KCND3: variants seen among roughly 807,000 people sequenced by gnomAD.
KCND3 encodes the protein A-type voltage-gated potassium channel KCND3.
KCND3 carries 9 observed loss-of-function variants against 51.1 expected under a neutral mutation model. That is an observed-to-expected ratio of 0.18 (90% confidence interval 0.11 to 0.31). The LOEUF (loss-of-function observed/expected upper bound fraction) is 0.31. Ranked by LOEUF, KCND3 falls within the 10% of genes least tolerant of loss-of-function variation. The pLI is 1.00. For missense variants in KCND3, 526 were observed against 903.8 expected (o/e 0.58, Z 5.36); for synonymous variants, 349 against 368.0 (o/e 0.95, Z 0.59).
intron 2 of KCND3, among the ~76,000 whole-genome samples, chr1:111,845,063 C>G (rs1284420082): frequency 6.6e-6 from 1 of 152,144 alleles, no homozygotes; most frequent in African/African-American, 2.4e-5. Flanking sequence ...TCCTTACTTT[C>G]CATTCACACT....
intron 2 of KCND3, among the ~76,000 whole-genome samples, chr1:111,832,961 G>A (rs1443670194): frequency 6.6e-6 from 1 of 152,190 alleles, no homozygotes; most frequent in East Asian, 1.9e-4. Context: ...AAAGTTTCAG[G>A]GGCAGGTGGG....
intron 2 of KCND3, among the ~76,000 whole-genome samples, chr1:111,826,809 A>T (rs1018007838): frequency 1.3e-5 from 2 of 152,344 alleles, no homozygotes; most frequent in Non-Finnish European, 2.9e-5. Flanking sequence ...ATCACCTGAA[A>T]TATGCTGATC....
At chr1:111,914,241 A>C (rs1445896810) in intron 2 of KCND3, among the ~76,000 whole-genome samples, 6 of 150,690 alleles carry the variant, frequency 4.0e-5, no homozygotes, top group African/African-American at 1.5e-4. Context: ...AATAGAAAAT[A>C]TTCAAAATAA....
Position 111,776,169 on chromosome 1 carries a change from C to G in KCND3, c.1876G>C (p.Glu626Gln), listed in dbSNP as rs760710842. The change falls in exon 8 of 8, where the codon GAG becomes CAG. Residue 626 changes from glutamate to glutamine, a missense_variant. Coordinates refer to ENST00000302127, the MANE Select transcript of KCND3 (RefSeq NM_001378969.1). ...GCAGGGGGTGGCCGACTTTCCCCCT[C>G]TGGGGTTAGCGCTGGGGGAGTGGGG... ...SIPTPPALTP[E>Q]GESRPPPASP... 3.1e-6 allele frequency: 5 copies of G among 1,614,148 alleles called. No homozygotes were observed. Among genetic ancestry groups the G allele is most frequent in the Non-Finnish European group, 4.2e-6 (5 of 1,180,000 alleles).
In KCND3 at chr1:111,956,374, T is replaced by C. The variant is rs529148366; in HGVS notation, c.1106+25247A>G. On this transcript the variant is annotated intron_variant, in intron 2 of 7. Coordinates refer to ENST00000302127, the MANE Select transcript of KCND3 (RefSeq NM_001378969.1). Reference sequence around the variant, plus strand: ...CGGAGCCCGAGGGGGCAAGAGCCCATGGCAGCAGCTGATTAATTTCCACTG... The same window carrying C: ...CGGAGCCCGAGGGGGCAAGAGCCCACGGCAGCAGCTGATTAATTTCCACTG... 6.8e-4 allele frequency among the ~76,000 whole-genome samples: 103 copies of C among 152,304 alleles called. 1 individual carries two copies. Among genetic ancestry groups the C allele is most frequent in the African/African-American group, 2.4e-3 (100 of 41,572 alleles).
intron 2 of KCND3, among the ~76,000 whole-genome samples, chr1:111,891,415 G>C (rs937897551): frequency 2.6e-5 from 4 of 152,154 alleles, no homozygotes; most frequent in Non-Finnish European, 2.9e-5. Flanking sequence ...AGCCTGAATG[G>C]TCCATCAGAG....
At chr1:111,865,068 C>T (rs1177603403) in intron 2 of KCND3, among the ~76,000 whole-genome samples, 2 of 152,170 alleles carry the variant, frequency 1.3e-5, no homozygotes, top group Non-Finnish European at 2.9e-5. Flanking sequence ...CTGAAAGTGT[C>T]CTTGGCCATG....
chr1:111,827,229 G>C lies in KCND3; in HGVS notation c.1107-40123C>G, dbSNP rs539143787. Among the ~76,000 whole-genome samples the C allele has an allele frequency of 6.4e-4, 97 of 152,360 alleles. 4 individuals are homozygous for C. In the South Asian group the frequency reaches 0.02, roughly 31 times the overall value. On this transcript the variant is annotated intron_variant, in intron 2 of 7. Coordinates refer to ENST00000302127, the MANE Select transcript of KCND3 (RefSeq NM_001378969.1). The stretch of plus-strand genomic sequence containing the variant: ...TGTAGTGTATGTTGCTATGAGAACA[G>C]ATGTGTACGCAGATGACGGTTGGAA...
chr1:111,988,057 G>A (rs556190951), intron 1 of KCND3, among the ~76,000 whole-genome samples: 1 of 152,166 alleles, frequency 6.6e-6, no homozygotes, highest in South Asian at 2.1e-4. Flanking sequence ...GCTGAGTACA[G>A]GCATAAGGCA....
intron 2 of KCND3, among the ~76,000 whole-genome samples, chr1:111,842,622 A>C (rs982638162): frequency 2.0e-4 from 30 of 152,220 alleles, no homozygotes; most frequent in African/African-American, 7.0e-4. Context: ...AGCTCCACGG[A>C]GTAGCTAATT....
rs1332691594 is a variant in KCND3, at chr1:111,772,258, T to C, written c.*3819A>G. The C allele has an allele frequency of 2.0e-5, 3 of 151,710 alleles. No individual in the cohort carries two copies. The highest frequency in any genetic ancestry group is 2.0e-4 in the Admixed American group (3 of 15,242). 9.4% of individuals were successfully genotyped at this position (151,710 alleles called of 1,614,324 possible). On this transcript the variant is annotated 3_prime_UTR_variant, in exon 8 of 8. Coordinates refer to ENST00000302127, the MANE Select transcript of KCND3 (RefSeq NM_001378969.1). ...TGTCACTGTCCTAGTCTTCTCTTCA[T>C]TGAGAAGAGAAAATATTTGACTAAA...
chr1:111,944,883 CCT>C (rs1672704751), intron 2 of KCND3, among the ~76,000 whole-genome samples: 1 of 152,200 alleles, frequency 6.6e-6, no homozygotes, highest in Non-Finnish European at 1.5e-5. Context: ...GCATGAACTC[CCT>C]GTCTTCACCG....
At chr1:111,874,067 G>A (rs1422807316) in intron 2 of KCND3, among the ~76,000 whole-genome samples, 1 of 152,184 alleles carries the variant, frequency 6.6e-6, no homozygotes, top group African/African-American at 2.4e-5. Context: ...AAGCTTCCAA[G>A]CAGCCTGACC....
At chr1:111,930,667 A>G (rs1317808655) in intron 2 of KCND3, among the ~76,000 whole-genome samples, 4 of 151,906 alleles carry the variant, frequency 2.6e-5, no homozygotes. Context: ...AAGTGTAGAA[A>G]AAAAAAAAGG....
chr1:111,807,810 TA>T (rs1470445986), intron 2 of KCND3, among the ~76,000 whole-genome samples: 1 of 152,210 alleles, frequency 6.6e-6, no homozygotes, highest in Non-Finnish European at 1.5e-5. Context: ...TGCATGAGGA[TA>T]AAATTGCCTA....
intron 2 of KCND3, among the ~76,000 whole-genome samples, chr1:111,961,974 C>T (rs765995540): frequency 3.3e-5 from 5 of 152,142 alleles, no homozygotes; most frequent in East Asian, 1.9e-4. Context: ...GTTGCTGGCA[C>T]GCCATCTGGT....
chr1:111,943,521 A>G (rs1672631151), intron 2 of KCND3, among the ~76,000 whole-genome samples: 1 of 152,242 alleles, frequency 6.6e-6, no homozygotes. Flanking sequence ...ACAGTAAGGC[A>G]GAAGCAGACC....
chr1:111,958,882 G>C (rs566605145), intron 2 of KCND3, among the ~76,000 whole-genome samples: 1 of 152,144 alleles, frequency 6.6e-6, no homozygotes, highest in African/African-American at 2.4e-5. Context: ...AAAATCTCTC[G>C]ATTAGTTTTT....
chr1:111,776,480 G>A (rs1323010457), intron 7 of KCND3, among the ~76,000 whole-genome samples: 2 of 152,120 alleles, frequency 1.3e-5, no homozygotes, highest in East Asian at 3.8e-4. Flanking sequence ...TATATAGTAG[G>A]CTTTGAATTG....
Sources: allele counts gnomAD v4.1 joint callset (sites outside exome capture counted in the v4.1 genomes callset), GRCh38; gene constraint gnomAD v4.1.1; transcripts MANE v1.5; gene names NCBI Gene and HGNC (gene_info 2026-07-23, HGNC 2026-07-21).